ZMYM2: variants seen among roughly 807,000 people sequenced by gnomAD.
The protein encoded by ZMYM2 is zinc finger MYM-type containing 2.
ZMYM2 carries 56 observed loss-of-function variants against 162.8 expected under a neutral mutation model. The ratio of observed to expected loss-of-function variants is 0.34; its 90% CI spans 0.28 to 0.43. The LOEUF is 0.43. Ranked by LOEUF, ZMYM2 falls within the 20% of genes least tolerant of loss-of-function variation. The probability of loss-of-function intolerance (pLI) is 1.00; values close to 1 mark genes in which losing one functional copy is unlikely to be tolerated. For missense variants in ZMYM2, 1,275 were observed against 1,621.8 expected, an observed-to-expected ratio of 0.79 and a Z score of 3.67; for synonymous variants, 510 against 541.6, an observed-to-expected ratio of 0.94 and a Z score of 0.81.
intron 7 of ZMYM2, chr13:20,019,900 G>T: frequency 4.3e-6 from 1 of 231,792 alleles, no homozygotes; most frequent in Non-Finnish European, 8.4e-6. Context: ...GTACACAGTA[G>T]GCATTTAATA....
the ZMYM2 span, among the ~76,000 whole-genome samples, chr13:19,934,296 G>A: frequency 6.6e-6 from 1 of 152,092 alleles, no homozygotes; most frequent in Non-Finnish European, 1.5e-5. Flanking sequence ...GAGTAGCTGG[G>A]ACTACAGGCA....
chr13:19,955,796 G>A (rs956660281), upstream of ZMYM2, among the ~76,000 whole-genome samples: 12 of 152,046 alleles, frequency 7.9e-5, no homozygotes, highest in African/African-American at 2.7e-4. Context: ...CACAACAACT[G>A]TTTATTACTT....
At chr13:19,972,588 G>GA (rs1956422460) in intron 2 of ZMYM2, among the ~76,000 whole-genome samples, 1 of 151,892 alleles carries the variant, frequency 6.6e-6, no homozygotes, top group African/African-American at 2.4e-5. Flanking sequence ...ACATTCTTTT[G>GA]ATGGACAGTC....
chr13:19,959,772 A>G (rs1954977999), intron 1 of ZMYM2, 186 bp from the exon 2 acceptor site: 1 of 152,130 alleles, frequency 6.6e-6, no homozygotes, highest in Admixed American at 6.6e-5. Flanking sequence ...CCAAATATGT[A>G]TTTTGCGCTG....
the ZMYM2 span, among the ~76,000 whole-genome samples, chr13:19,888,342 C>T: frequency 6.6e-6 from 1 of 151,686 alleles, no homozygotes; most frequent in Non-Finnish European, 1.5e-5. Flanking sequence ...TATGCACCAC[C>T]ATGGCGGGCT....
At chr13:19,896,936 G>A in the ZMYM2 span, among the ~76,000 whole-genome samples, 32 of 151,298 alleles carry the variant, frequency 2.1e-4, 1 homozygote, top group African/African-American at 7.8e-4. Context: ...AGCTGGGCGT[G>A]GTGGCAGGCG....
chr13:20,023,153 T>A (rs1952266593), intron 7 of ZMYM2, among the ~76,000 whole-genome samples: 1 of 152,214 alleles, frequency 6.6e-6, no homozygotes, highest in African/African-American at 2.4e-5. Context: ...GTTTGTTGCC[T>A]CCAATCAGAG....
chr13:20,037,532 A>G (rs140784961), intron 12 of ZMYM2, among the ~76,000 whole-genome samples: 266 of 152,290 alleles, frequency 1.7e-3, no homozygotes, highest in African/African-American at 6.2e-3. Context: ...AATACTTTCA[A>G]CTATGTTATC....
intron 2 of ZMYM2, among the ~76,000 whole-genome samples, chr13:19,980,950 A>G (rs1312724622): frequency 6.6e-6 from 1 of 151,886 alleles, no homozygotes; most frequent in Non-Finnish European, 1.5e-5. Context: ...TTTTGTTGGT[A>G]TTAGTACCGT....
chr13:19,925,670 C>T, the ZMYM2 span, among the ~76,000 whole-genome samples: 1 of 151,734 alleles, frequency 6.6e-6, no homozygotes, highest in African/African-American at 2.4e-5. Context: ...GTCAGGAGTT[C>T]CAGACCGGCC....
chr13:20,078,869 A>G (rs1362603125), intron 21 of ZMYM2, among the ~76,000 whole-genome samples: 1 of 152,156 alleles, frequency 6.6e-6, no homozygotes, highest in Non-Finnish European at 1.5e-5. Context: ...AGTTAAATGT[A>G]TAACATGTTA....
At chr13:20,082,188 A>G in intron 22 of ZMYM2, 58 bp downstream of exon 22, 2 of 1,250,106 alleles carry the variant, frequency 1.6e-6, no homozygotes, top group Non-Finnish European at 2.2e-6. Flanking sequence ...TTATTTTTAC[A>G]GAGTATGTTT....
At chr13:20,002,825 C>A (rs1178930123) in intron 3 of ZMYM2, 25 bp from the exon 4 acceptor site, 2 of 1,602,682 alleles carry the variant, frequency 1.2e-6, no homozygotes, top group Admixed American at 1.7e-5. Context: ...TTTCATTATT[C>A]TTTCTTGTGC....
chr13:19,935,576 T>G, the ZMYM2 span, among the ~76,000 whole-genome samples: 2 of 152,304 alleles, frequency 1.3e-5, no homozygotes, highest in East Asian at 3.9e-4. Flanking sequence ...GTTTGTTTGT[T>G]TGTTTGTTTT....
rs372934623 is a variant in ZMYM2, at chr13:20,029,434, C to T, written c.1852-1885C>T. Reference sequence around the variant, plus strand: ...ACCAACATTCAGACTGTAGCATATTCCATTTGTTTTGAAAGACTAGTTAAC... The same window carrying T: ...ACCAACATTCAGACTGTAGCATATTTCATTTGTTTTGAAAGACTAGTTAAC... On this transcript the variant is annotated intron_variant, in intron 9 of 24. Transcript: ENST00000610343. Among the ~76,000 whole-genome samples the T allele has an allele frequency of 2.0e-5, 3 of 152,274 alleles. No homozygotes were observed. In the East Asian group the frequency reaches 5.8e-4, roughly 29 times the overall value.
chr13:19,887,917 G>A, the ZMYM2 span, among the ~76,000 whole-genome samples: 1 of 144,450 alleles, frequency 6.9e-6, no homozygotes, highest in African/African-American at 2.6e-5. Context: ...GTCTCACTTT[G>A]TCACCCAGGC....
the ZMYM2 span, among the ~76,000 whole-genome samples, chr13:19,885,925 A>ATACACATATATG: frequency 3.4e-4 from 8 of 23,824 alleles, 2 homozygotes; most frequent in African/African-American, 6.9e-4. Context: ...ACACATATAT[A>ATACACATATATG]TGTGTATACA....
At chr13:20,062,717 C>G in intron 17 of ZMYM2, 129 bp from the exon 18 acceptor site, 1 of 967,438 alleles carries the variant, frequency 1.0e-6, no homozygotes, top group East Asian at 2.8e-5. Context: ...ATGCCCTTTT[C>G]TTTTGTGACA....
At chr13:19,867,048 AT>A in the ZMYM2 span, among the ~76,000 whole-genome samples, 2 of 152,184 alleles carry the variant, frequency 1.3e-5, no homozygotes, top group Admixed American at 6.5e-5. Flanking sequence ...AAATTTATTT[AT>A]TCTTTGAAAG....
Sources: gnomAD v4.1 joint callset for allele counts (sites outside exome capture counted in the v4.1 genomes callset) on GRCh38, gnomAD v4.1.1 for gene constraint, MANE v1.5 for transcripts, NCBI Gene and HGNC (gene_info 2026-07-23, HGNC 2026-07-21) for gene names.